The following OSR2 variants were observed in gnomAD, a reference collection of about 807,000 sequenced individuals.
The protein encoded by OSR2 is protein odd-skipped-related 2.
A neutral mutation model predicts 22.3 loss-of-function variants in OSR2; 8 were observed. The ratio of observed to expected loss-of-function variants is 0.36; its 90% confidence interval spans 0.21 to 0.65. The LOEUF is 0.65. OSR2 is among the 30% of genes least tolerant of loss of function. OSR2 has a pLI of 0.66. For missense variants in OSR2, 311 were observed against 413.4 expected (o/e 0.75, Z 2.15); for synonymous variants, 179 against 173.8 (o/e 1.03, Z -0.23).
In OSR2 at chr8:98,948,339, G is replaced by T. The variant is rs890340644; in HGVS notation, c.-114-500G>T. The T allele has an allele frequency of 6.6e-7, 1 of 1,522,986 alleles. No individual in the cohort carries two copies. The highest frequency in any genetic ancestry group is 8.8e-7 in the Non-Finnish European group (1 of 1,139,290). The allele number at this position is 1,522,986 out of a possible 1,614,324, so 94.3% of individuals were successfully genotyped here. A position where few individuals can be genotyped will look rare whatever the true frequency, so the allele number is the denominator to read the frequency against. ...CGCGGGAAAGGCGGCCACAGGGCGC[G>T]GCGGCAGCGCAGCGCGTGGGATCTC... is the stretch of plus-strand genomic sequence containing the variant. On this transcript the variant is annotated intron_variant, in intron 1 of 3. Coordinates refer to ENST00000297565, the MANE Select transcript of OSR2 (RefSeq NM_001142462.3). The surrounding 1 kb of genome is among the most constrained non-coding windows in gnomAD (Gnocchi z 6.0).
At chr8:98,947,246 C>T (rs886599996) in intron 1 of OSR2, among the ~76,000 whole-genome samples, 2 of 151,918 alleles carry the variant, frequency 1.3e-5, no homozygotes, top group Admixed American at 6.5e-5. Flanking sequence ...ATCTCTGTCC[C>T]GAGCCCTTCC....
rs1036262772 is a variant in OSR2, at chr8:98,948,477, G to C, written c.-114-362G>C. On this transcript the variant is annotated intron_variant, in intron 1 of 3. Coordinates refer to ENST00000297565, the MANE Select transcript of OSR2 (RefSeq NM_001142462.3). The surrounding 1 kb of genome is among the most constrained non-coding windows in gnomAD (Gnocchi z 6.0). ...CGGTTGACTGAGCTTCGCCTAACAG[G>C]CTTGGGGAGGGTGGGCTGGGCTGGG... The C allele has an allele frequency of 4.0e-6, 4 of 1,002,042 alleles. No homozygotes were observed. In the African/African-American group the frequency reaches 7.5e-5, roughly 19 times the overall value. The allele number at this position is 1,002,042 out of a possible 1,614,324, so 62.1% of individuals were successfully genotyped here. A position where few individuals can be genotyped will look rare whatever the true frequency, so the allele number is the denominator to read the frequency against.
intron 1 of OSR2, among the ~76,000 whole-genome samples, chr8:98,945,818 T>C (rs1840597566): frequency 6.6e-6 from 1 of 152,244 alleles, no homozygotes; most frequent in Non-Finnish European, 1.5e-5. Context: ...AGCTCTCTAA[T>C]TTATATAAAA....
In OSR2 at chr8:98,948,829, C is replaced by A. The variant is rs574539426; in HGVS notation, c.-114-10C>A. On this transcript the variant is annotated splice_polypyrimidine_tract_variant and intron_variant, in intron 1 of 3. Coordinates refer to ENST00000297565, the MANE Select transcript of OSR2 (RefSeq NM_001142462.3). The surrounding 1 kb of genome is among the most constrained non-coding windows in gnomAD (Gnocchi z 6.0). ...TCACGGTCTCTCCCTCTCTTCCCTG[C>A]CATTTTTAGGGCTTTCTCTACGTGC... The A allele has an allele frequency of 1.3e-6, 2 of 1,572,038 alleles. No individual in the cohort carries two copies. Among genetic ancestry groups the A allele is most frequent in the South Asian group, 1.1e-5 (1 of 87,284 alleles).
rs1046328871 is a variant in OSR2 at position 98,948,507 on chromosome 8, G to A, written c.-114-332G>A. 1 of 1,212,678 alleles carries A rather than the reference G, an allele frequency of 8.2e-7. No homozygotes were observed. The highest frequency in any genetic ancestry group is 1.1e-6 in the Non-Finnish European group (1 of 915,388). 75.1% of individuals were successfully genotyped at this position (1,212,678 alleles called of 1,614,324 possible). A position where few individuals can be genotyped will look rare whatever the true frequency, so the allele number is the denominator to read the frequency against. ...GGGAGGGTGGGCTGGGCTGGGCTGG[G>A]CTGGGCTGGGTGCTGCCCGGCTGTC... On this transcript the variant is annotated intron_variant, in intron 1 of 3. Transcript: ENST00000297565. This position sits in a 1 kb window ranked among gnomAD's most constrained non-coding sequence, Gnocchi z 6.0.
Position 98,949,100 on chromosome 8 carries a change from C to A in OSR2, c.148C>A (p.His50Asn), listed in dbSNP as rs1476917342. ...CGGTCTCAGCGCGGTACAGACCATG[C>A]ACATGAACCACTGGACGCTGGGGTA... is the stretch of plus-strand genomic sequence containing the variant. The part of the protein sequence containing the change: ...LYGLSAVQTM[H>N]MNHWTLGYPN... The change falls in exon 2 of 4, where the codon CAC (histidine) becomes AAC (asparagine). Residue 50 changes from histidine (H) to asparagine (N), a missense_variant. His to Asn is a moderately conservative substitution (Grantham distance 68, BLOSUM62 1). Coordinates refer to ENST00000297565, the MANE Select transcript of OSR2 (RefSeq NM_001142462.3). This position sits in a 1 kb window ranked among gnomAD's most constrained non-coding sequence, Gnocchi z 5.9. 14 of 1,613,930 alleles carry A rather than the reference C, an allele frequency of 8.7e-6. No individual in the cohort carries two copies. Among genetic ancestry groups the A allele is most frequent in the Non-Finnish European group, 1.2e-5 (14 of 1,179,890 alleles).
chr8:98,948,014 T>TCCGC lies in OSR2; in HGVS notation c.-114-822_-114-819dup, dbSNP rs1293245062. ...GGTTCCTCTGGCCTCAGGGACGTTC[T>TCCGC]CCGCCCCCACCCCACCCCCTGGGAG... On this transcript the variant is annotated intron_variant, in intron 1 of 3. Transcript: ENST00000297565. The surrounding 1 kb of genome is among the most constrained non-coding windows in gnomAD (Gnocchi z 6.0). 6.6e-6 allele frequency among the ~76,000 whole-genome samples: 1 copy of TCCGC among 152,122 alleles called. No homozygotes were observed. The highest frequency in any genetic ancestry group is 1.9e-4 in the East Asian group (1 of 5,176).
chr8:98,947,326 C>A (rs1209423051), intron 1 of OSR2, among the ~76,000 whole-genome samples: 1 of 152,078 alleles, frequency 6.6e-6, no homozygotes, highest in East Asian at 1.9e-4. Flanking sequence ...ATTAGCGTAG[C>A]CCCCTAAGTC....
intron 1 of OSR2, among the ~76,000 whole-genome samples, chr8:98,945,374 T>G (rs1358614982): frequency 6.6e-6 from 1 of 152,236 alleles, no homozygotes; most frequent in Non-Finnish European, 1.5e-5. Context: ...CCCCGGGGGC[T>G]TAAACGCTCG....
chr8:98,948,936 C>T lies in OSR2; in HGVS notation c.-17C>T. The T allele has an allele frequency of 1.2e-6, 2 of 1,613,880 alleles. No homozygotes were observed. Among genetic ancestry groups the T allele is most frequent in the Non-Finnish European group, 1.7e-6 (2 of 1,179,906 alleles). ...AAGAAAGGGTTGGTCCCCTCAGCAC[C>T]CCCAGCATCCCGGAAAATGGGGAGC... is the stretch of plus-strand genomic sequence containing the variant. On this transcript the variant is annotated 5_prime_UTR_variant, in exon 2 of 4. Coordinates refer to ENST00000297565, the MANE Select transcript of OSR2 (RefSeq NM_001142462.3). This position sits in a 1 kb window ranked among gnomAD's most constrained non-coding sequence, Gnocchi z 6.0.
At position 98,948,693 on chromosome 8, in the gene OSR2, C is replaced by T. The variant is rs1225293895; in HGVS notation, c.-114-146C>T. ...GACTTGAGCAGGTGCCAAGGTGCCA[C>T]GCAGTCCCCTCACGGCTTTCGGGGG... is the stretch of plus-strand genomic sequence containing the variant. On this transcript the variant is annotated intron_variant, in intron 1 of 3. Transcript: ENST00000297565. The surrounding 1 kb of genome is among the most constrained non-coding windows in gnomAD (Gnocchi z 6.0). 25 of 1,100,614 alleles carry T rather than the reference C, an allele frequency of 2.3e-5. No homozygotes were observed. Among genetic ancestry groups the T allele is most frequent in the Non-Finnish European group, 2.9e-5 (23 of 794,100 alleles). The allele number at this position is 1,100,614 out of a possible 1,614,324, so 68.2% of individuals were successfully genotyped here.
At position 98,951,680 on chromosome 8, in the gene OSR2, C is replaced by G. The variant is rs1433521063; in HGVS notation, c.918C>G (p.His306Gln). 6.2e-7 allele frequency: 1 copy of G among 1,613,450 alleles called. No individual in the cohort carries two copies. The highest frequency in any genetic ancestry group is 2.2e-5 in the East Asian group (1 of 44,852). ...ATCTGCGGCGGCACAGCCTGACTCA[C>G]ACCCCGCGGCAGGACTTCTAGAGAA... Reference protein sequence around the residue: ...NCDLRRHSLTHTPRQDF With the variant: ...NCDLRRHSLTQTPRQDF Residue 306 changes from histidine to glutamine, a missense_variant, in exon 4 of 4, where the codon CAC becomes CAG. By Grantham distance (24) the His-to-Gln change is conservative (BLOSUM62 0). This residue lies in a region of OSR2 where 70 missense variants were observed against 84.5 expected (regional missense o/e 0.83). Coordinates refer to ENST00000297565, the MANE Select transcript of OSR2 (RefSeq NM_001142462.3).
chr8:98,945,317 TCTC>T (rs1349066375), intron 1 of OSR2, among the ~76,000 whole-genome samples: 4 of 152,092 alleles, frequency 2.6e-5, no homozygotes, highest in Non-Finnish European at 4.4e-5. Context: ...GCTTTAAAAT[TCTC>T]CTCCCACCTT....
At position 98,948,582 on chromosome 8, in the gene OSR2, A is replaced by G; in HGVS notation, c.-114-257A>G. ...GGAGTCTTCCGCTCCGTATCTGCCT[A>G]GAGTCTGAATCCGACTTTCTTTCCT... On this transcript the variant is annotated intron_variant, in intron 1 of 3. Transcript: ENST00000297565. The surrounding 1 kb of genome is among the most constrained non-coding windows in gnomAD (Gnocchi z 6.0). The G allele has an allele frequency of 9.0e-7, 1 of 1,109,108 alleles. No homozygotes were observed. The highest frequency in any genetic ancestry group is 1.2e-6 in the Non-Finnish European group (1 of 807,216). 68.7% of individuals were successfully genotyped at this position (1,109,108 alleles called of 1,614,324 possible).
Position 98,951,827 on chromosome 8 carries a change from C to T in OSR2, c.*126C>T. The stretch of plus-strand genomic sequence containing the variant: ...CAGCTCTTCCCTTGCTGCAGCCGCA[C>T]CTGCAGCTCCAGGGAGTTAACTCTT... On this transcript the variant is annotated 3_prime_UTR_variant, in exon 4 of 4. Transcript: ENST00000297565. 1 of 903,696 alleles carries T rather than the reference C, an allele frequency of 1.1e-6. No homozygotes were observed. The highest frequency in any genetic ancestry group is 1.6e-6 in the Non-Finnish European group (1 of 611,730). 56.0% of individuals were successfully genotyped at this position (903,696 alleles called of 1,614,324 possible). A position where few individuals can be genotyped will look rare whatever the true frequency, so the allele number is the denominator to read the frequency against.
chr8:98,951,437 A>C, intron 3 of OSR2, 82 bp from the exon 4 acceptor site: 1 of 1,323,588 alleles, frequency 7.6e-7, no homozygotes. Context: ...AACGCTTGTG[A>C]TAACGATAAG....
In OSR2 at chr8:98,948,885, C is replaced by T. The variant is rs1564124032; in HGVS notation, c.-68C>T. Reference sequence around the variant, plus strand: ...TCTCACTGGGTTTTTGTCGGAGCCCCACGCCCTCCGGCCTCTGATTCCTGG... The same window carrying T: ...TCTCACTGGGTTTTTGTCGGAGCCCTACGCCCTCCGGCCTCTGATTCCTGG... On this transcript the variant is annotated 5_prime_UTR_variant, in exon 2 of 4. Coordinates refer to ENST00000297565, the MANE Select transcript of OSR2 (RefSeq NM_001142462.3). The surrounding 1 kb of genome is among the most constrained non-coding windows in gnomAD (Gnocchi z 6.0). 1.2e-6 allele frequency: 2 copies of T among 1,612,746 alleles called. No homozygotes were observed.
At position 98,948,093 on chromosome 8, in the gene OSR2, T is replaced by G; in HGVS notation, c.-114-746T>G. On this transcript the variant is annotated intron_variant, in intron 1 of 3. Transcript: ENST00000297565. The surrounding 1 kb of genome is among the most constrained non-coding windows in gnomAD (Gnocchi z 6.0). ...GGGGGTTGGGAGGAGAGCCCGTGGA[T>G]AGGAGGAGGGGGCGATTCTAGGCCG... is the stretch of plus-strand genomic sequence containing the variant. 1 of 1,338,210 alleles carries G rather than the reference T, an allele frequency of 7.5e-7. No homozygotes were observed. The highest frequency in any genetic ancestry group is 9.6e-7 in the Non-Finnish European group (1 of 1,045,624). The allele number at this position is 1,338,210 out of a possible 1,614,324, so 82.9% of individuals were successfully genotyped here.
In OSR2 at chr8:98,948,814, T is replaced by G. The variant is rs1394670791; in HGVS notation, c.-114-25T>G. ...AGCCTTGGATTATAGTCACGGTCTCTCCCTCTCTTCCCTGCCATTTTTAGG... is the reference window on the plus strand; with the variant it reads ...AGCCTTGGATTATAGTCACGGTCTCGCCCTCTCTTCCCTGCCATTTTTAGG... On this transcript the variant is annotated intron_variant, in intron 1 of 3. Transcript: ENST00000297565. The surrounding 1 kb of genome is among the most constrained non-coding windows in gnomAD (Gnocchi z 6.0). 2 of 1,538,248 alleles carry G rather than the reference T, an allele frequency of 1.3e-6. No homozygotes were observed. The highest frequency in any genetic ancestry group is 1.7e-6 in the Non-Finnish European group (2 of 1,145,008).
Sources: gnomAD v4.1 joint callset for allele counts (sites outside exome capture counted in the v4.1 genomes callset) on GRCh38, gnomAD v4.1.1 for gene constraint, gnomAD v4.1.1 regional missense constraint, Gnocchi (gnomAD v3.1) non-coding constraint, MANE v1.5 for transcripts, NCBI Gene and HGNC (gene_info 2026-07-23, HGNC 2026-07-21) for gene names.